The following OTOA variants were observed in gnomAD, a reference collection of about 807,000 sequenced individuals.
OTOA encodes the protein cancer/testis antigen 108.
OTOA carries 70 observed loss-of-function variants against 110.8 expected under a neutral mutation model. The observed-to-expected ratio is 0.63, with a 90% CI of 0.52 to 0.77. The LOEUF (loss-of-function observed/expected upper bound fraction) is 0.77. Among genes scored for constraint, OTOA ranks in the 30% least tolerant of loss-of-function variants. The pLI, the probability that OTOA is intolerant of heterozygous loss-of-function variation, is 0.00. For missense variants in OTOA, 917 were observed against 1,075.8 expected, an observed-to-expected ratio of 0.85 and a Z score of 2.06; for synonymous variants, 373 against 431.5, an observed-to-expected ratio of 0.86 and a Z score of 1.68.
At chr16:21,747,975 GGCCC>G in intron 24 of OTOA, 1 of 106,186 alleles carries the variant, frequency 9.4e-6, no homozygotes, top group South Asian at 4.3e-4. Context: ...TAAGAGTATG[GGCCC>G]TGGAATCAGA....
intron 12 of OTOA, among the ~76,000 whole-genome samples, chr16:21,707,615 T>C (rs1338199776): frequency 1.0e-5 from 1 of 98,506 alleles, no homozygotes; most frequent in Non-Finnish European, 2.5e-5. Context: ...CTTTCTTTCT[T>C]TCTTTCTTTC....
rs559526280 is a variant in OTOA, at chr16:21,709,429, C to T, written c.1105-459C>T. On this transcript the variant is annotated intron_variant, in intron 12 of 28. Coordinates refer to ENST00000646100, the MANE Select transcript of OTOA (RefSeq NM_144672.4). ...CAGCCTGGGTGACAAGAGCAAAACT[C>T]TGTCTTAAGAAAAAAAAAAAAGTTA... is the stretch of plus-strand genomic sequence containing the variant. Among the ~76,000 whole-genome samples the T allele has an allele frequency of 2.1e-4, 32 of 151,138 alleles. No individual in the cohort carries two copies. In the East Asian group the frequency reaches 5.4e-3, roughly 26 times the overall value.
At chr16:21,748,042 T>TC (rs1899690916) in intron 24 of OTOA, 1 of 98,568 alleles carries the variant, frequency 1.0e-5, no homozygotes, top group Non-Finnish European at 2.2e-5. Flanking sequence ...TTCTTCTTCT[T>TC]CTTTTTTTTT....
chr16:21,700,366 T>C (rs1028348197), intron 10 of OTOA, among the ~76,000 whole-genome samples: 4 of 152,110 alleles, frequency 2.6e-5, no homozygotes, highest in Non-Finnish European at 4.4e-5. Flanking sequence ...AAAAAATAAT[T>C]CTTTCCTAAA....
intron 21 of OTOA, among the ~76,000 whole-genome samples, chr16:21,734,891 C>A (rs1167747163): frequency 1.3e-5 from 2 of 151,934 alleles, no homozygotes; most frequent in Admixed American, 1.3e-4. Flanking sequence ...GTAATCCCAG[C>A]ACTTTGGGAG....
chr16:21,679,982 T>C (rs1215913539), intron 5 of OTOA, among the ~76,000 whole-genome samples: 1 of 152,094 alleles, frequency 6.6e-6, no homozygotes, highest in Non-Finnish European at 1.5e-5. Flanking sequence ...CTAGGTAGTG[T>C]GGAAACGCCA....
intron 15 of OTOA, 91 bp from the exon 16 acceptor site, chr16:21,719,042 G>A: frequency 1.6e-6 from 2 of 1,258,386 alleles, no homozygotes; most frequent in Non-Finnish European, 2.3e-6. Context: ...TCTGTAAAAT[G>A]GGATTGTGGA....
intron 12 of OTOA, among the ~76,000 whole-genome samples, chr16:21,709,176 A>G (rs990615721): frequency 2.0e-5 from 3 of 152,190 alleles, no homozygotes; most frequent in African/African-American, 7.2e-5. Context: ...TCATGCCTCT[A>G]ATCCCAGCAC....
rs141909410 is a variant in OTOA at position 21,704,309 on chromosome 16, G to C, written c.981-860G>C. On this transcript the variant is annotated intron_variant, in intron 11 of 28. Transcript: ENST00000646100. ...GGTGAGATCAGCTCTAGAATTTAGT[G>C]ATTGTAATGTGGAAAATGGGGAGTT... Among the ~76,000 whole-genome samples the C allele has an allele frequency of 1.3e-3, 204 of 152,252 alleles. 1 individual carries two copies. The highest frequency in any genetic ancestry group is 2.2e-3 in the Non-Finnish European group (149 of 68,018).
chr16:21,705,401 G>A (rs748486262), intron 12 of OTOA, 109 bp downstream of exon 12: 27 of 1,549,322 alleles, frequency 1.7e-5, no homozygotes, highest in East Asian at 6.8e-5. Flanking sequence ...AGCATTAGTC[G>A]GGATTTAAGT....
intron 9 of OTOA, among the ~76,000 whole-genome samples, chr16:21,694,430 G>A (rs577267006): frequency 6.6e-6 from 1 of 152,110 alleles, no homozygotes; most frequent in East Asian, 1.9e-4. Context: ...GTGACAGAGC[G>A]AGACCTTGTC....
chr16:21,679,011 T>G, intron 3 of OTOA, 25 bp from the exon 4 acceptor site: 1 of 1,613,988 alleles, frequency 6.2e-7, no homozygotes, highest in Non-Finnish European at 8.5e-7. Context: ...GTTGTTATAC[T>G]TGATGTTATC....
At chr16:21,707,601 CTTTCTT>C (rs1177929965) in intron 12 of OTOA, among the ~76,000 whole-genome samples, 2 of 55,868 alleles carry the variant, frequency 3.6e-5, no homozygotes, top group African/African-American at 1.2e-4. Context: ...CCTTTTCTTT[CTTTCTT>C]TCTTTCTTTC....
chr16:21,689,332 A>T (rs1014035853), intron 8 of OTOA, among the ~76,000 whole-genome samples: 7 of 152,136 alleles, frequency 4.6e-5, no homozygotes, highest in African/African-American at 1.7e-4. Flanking sequence ...AGTTTTTTTC[A>T]CTAAGATGTA....
chr16:21,718,333 G>A (rs1312727158), intron 15 of OTOA, among the ~76,000 whole-genome samples: 1 of 152,088 alleles, frequency 6.6e-6, no homozygotes, highest in African/African-American at 2.4e-5. Flanking sequence ...TGAGCTGATG[G>A]GATTGCTGTT....
At chr16:21,718,471 T>C (rs570833103) in intron 15 of OTOA, among the ~76,000 whole-genome samples, 1 of 152,320 alleles carries the variant, frequency 6.6e-6, no homozygotes, top group South Asian at 2.1e-4. Context: ...GCTTTTGTGC[T>C]GCTTTTTGGC....
chr16:21,672,305 A>T (rs1966850298), intron 1 of OTOA, among the ~76,000 whole-genome samples: 1 of 152,144 alleles, frequency 6.6e-6, no homozygotes, highest in South Asian at 2.1e-4. Context: ...GTGCTTAAAA[A>T]TTTATTATTT....
Position 21,728,284 on chromosome 16 carries a change from A to T in OTOA, c.2060A>T (p.Asn687Ile). 1.9e-6 allele frequency: 3 copies of T among 1,614,078 alleles called. 1 individual carries two copies. The highest frequency in any genetic ancestry group is 2.5e-6 in the Non-Finnish European group (3 of 1,180,000). Residue 687 changes from asparagine to isoleucine, a missense_variant, in exon 20 of 29, where the codon AAC becomes ATC. Asn to Ile is a moderately radical substitution (Grantham distance 149). Coordinates refer to ENST00000646100, the MANE Select transcript of OTOA (RefSeq NM_144672.4). The stretch of plus-strand genomic sequence containing the variant: ...GAGTACACTGTGGACATCATGGGGA[A>T]CCTGCTGTGTCACTTGCCGGCAGCC... ...ADEYTVDIMGNLLCHLPAAII... is the reference protein window; with the variant it reads ...ADEYTVDIMGILLCHLPAAII...
chr16:21,690,863 C>T (rs769067862), intron 8 of OTOA, among the ~76,000 whole-genome samples: 3 of 151,574 alleles, frequency 2.0e-5, no homozygotes, highest in South Asian at 4.2e-4. Flanking sequence ...ATGTGCACAA[C>T]GTGCAGGTTT....
Sources: allele counts gnomAD v4.1 joint callset (sites outside exome capture counted in the v4.1 genomes callset), GRCh38; gene constraint gnomAD v4.1.1; transcripts MANE v1.5; gene names NCBI Gene and HGNC (gene_info 2026-07-23, HGNC 2026-07-21).